Variants in PLBD1 observed in about 807,000 individuals in gnomAD.
PLBD1 encodes the protein lysosomal leucine aminopeptidase.
A neutral mutation model predicts 63.0 loss-of-function variants in PLBD1; 60 were observed. The ratio of observed to expected loss-of-function variants is 0.95; its 90% CI spans 0.77 to 1.18. PLBD1 has a LOEUF of 1.18. Among genes scored for constraint, PLBD1 ranks in the 50% most tolerant of loss-of-function variants. The probability of loss-of-function intolerance (pLI) is 0.00; values close to 1 mark genes in which losing one functional copy is unlikely to be tolerated. For missense variants in PLBD1, 598 were observed against 677.9 expected (o/e 0.88, Z 1.31); for synonymous variants, 262 against 248.0 (o/e 1.06, Z -0.53).
chr12:14,507,509 G>A (rs1390373801), intron 8 of PLBD1, among the ~76,000 whole-genome samples: 1 of 152,212 alleles, frequency 6.6e-6, no homozygotes, highest in African/African-American at 2.4e-5. Context: ...GTTGTTCACA[G>A]TGTGGCCCTA....
At chr12:14,561,417 T>C (rs1945741449) in intron 1 of PLBD1, among the ~76,000 whole-genome samples, 1 of 152,062 alleles carries the variant, frequency 6.6e-6, no homozygotes, top group South Asian at 2.1e-4. Context: ...ACTCATTAAT[T>C]ATGCATTTGT....
intron 2 of PLBD1, among the ~76,000 whole-genome samples, chr12:14,550,002 T>G (rs1158745852): frequency 6.6e-6 from 1 of 152,186 alleles, no homozygotes; most frequent in African/African-American, 2.4e-5. Flanking sequence ...CTTACTCATT[T>G]CAGACTCAGT....
intron 2 of PLBD1, among the ~76,000 whole-genome samples, chr12:14,547,732 T>C (rs1945625949): frequency 6.6e-6 from 1 of 152,194 alleles, no homozygotes; most frequent in African/African-American, 2.4e-5. Flanking sequence ...TTTTGCATGA[T>C]GGCAATAACA....
chr12:14,518,029 A>C (rs1178929558), intron 6 of PLBD1, among the ~76,000 whole-genome samples: 1 of 152,104 alleles, frequency 6.6e-6, no homozygotes, highest in Non-Finnish European at 1.5e-5. Flanking sequence ...AAAAATACAA[A>C]AATTAGCCGG....
chr12:14,541,905 C>T (rs926600985), intron 3 of PLBD1, among the ~76,000 whole-genome samples: 10 of 152,158 alleles, frequency 6.6e-5, no homozygotes, highest in Non-Finnish European at 1.5e-4. Flanking sequence ...AGAAGGGCCT[C>T]CATGAGGAAC....
intron 6 of PLBD1, among the ~76,000 whole-genome samples, chr12:14,527,624 G>A (rs541306002): frequency 6.6e-6 from 1 of 152,230 alleles, no homozygotes; most frequent in East Asian, 1.9e-4. Context: ...ACATGCTATG[G>A]TAATGCAGTT....
chr12:14,553,223 G>C lies in PLBD1; in HGVS notation c.305C>G (p.Ala102Gly). 1 of 1,613,544 alleles carries C rather than the reference G, an allele frequency of 6.2e-7. No individual in the cohort carries two copies. Among genetic ancestry groups the C allele is most frequent in the Non-Finnish European group, 8.5e-7 (1 of 1,179,858 alleles). The change falls in exon 2 of 11, where the codon GCT becomes GGT. Residue 102 changes from alanine to glycine, a missense_variant. Coordinates refer to ENST00000240617, the MANE Select transcript of PLBD1 (RefSeq NM_024829.6). ...TLSNEIIMFV[A>G]GFLEGYLTAP... is the part of the protein sequence containing the mutation. ...AGTGAGGTAACCCTCCAAAAAGCCA[G>C]CCACAAACATGATGATCTCATTGCT...
At position 14,512,050 on chromosome 12, in the gene PLBD1, T is replaced by A. The variant is rs142377795; in HGVS notation, c.845-339A>T. On this transcript the variant is annotated intron_variant, in intron 6 of 10. Transcript: ENST00000240617. ...CTTGCTAGGATTTTGCAGGAGAATT[T>A]TTAATTAGGGAGGGGATTAGCAGGG... Among the ~76,000 whole-genome samples the A allele has an allele frequency of 1.6e-3, 241 of 152,286 alleles. 2 individuals carry two copies. In the South Asian group the frequency reaches 0.02, roughly 13 times the overall value.
intron 6 of PLBD1, among the ~76,000 whole-genome samples, chr12:14,513,969 C>T (rs1049751906): frequency 1.3e-5 from 2 of 152,024 alleles, no homozygotes; most frequent in African/African-American, 2.4e-5. Context: ...TTAGTAGAGA[C>T]GGGGTTTCGC....
chr12:14,509,228 GA>G (rs943621302), intron 8 of PLBD1, among the ~76,000 whole-genome samples: 11 of 150,952 alleles, frequency 7.3e-5, no homozygotes, highest in Admixed American at 2.0e-4. Context: ...CTCTGGCAAA[GA>G]AAAAAAAATA....
At chr12:14,540,982 A>G in intron 3 of PLBD1, 80 bp from the exon 4 acceptor site, 1 of 1,369,002 alleles carries the variant, frequency 7.3e-7, no homozygotes, top group East Asian at 2.4e-5. Context: ...TTGAGAGATT[A>G]TATACTCAGA....
intron 1 of PLBD1, among the ~76,000 whole-genome samples, chr12:14,566,521 C>T (rs1341356357): frequency 2.0e-5 from 3 of 152,150 alleles, no homozygotes; most frequent in East Asian, 1.9e-4. Flanking sequence ...CCCTTAGTTA[C>T]AGTTCATAAT....
chr12:14,548,466 AAAAAAAAAAAAAAAAAG>A (rs1177045684), intron 2 of PLBD1, among the ~76,000 whole-genome samples: 2 of 140,874 alleles, frequency 1.4e-5, no homozygotes, highest in African/African-American at 5.7e-5. Flanking sequence ...CCAAAAAAAA[AAAAAAAAAAAAAAAAAG>A]AAGAAGAAGA....
intron 1 of PLBD1, among the ~76,000 whole-genome samples, chr12:14,564,018 T>A (rs1945762582): frequency 6.6e-6 from 1 of 152,154 alleles, no homozygotes; most frequent in African/African-American, 2.4e-5. Flanking sequence ...TGTGGGAGGA[T>A]CACTTGCGAG....
chr12:14,511,193 T>G, intron 8 of PLBD1, 67 bp downstream of exon 8: 4 of 888,602 alleles, frequency 4.5e-6, no homozygotes, highest in Non-Finnish European at 6.6e-6. Flanking sequence ...ACAATGTGCA[T>G]TCCCCTACCA....
intron 2 of PLBD1, among the ~76,000 whole-genome samples, chr12:14,549,815 A>G (rs535510305): frequency 1.3e-4 from 20 of 151,974 alleles, no homozygotes; most frequent in Non-Finnish European, 2.8e-4. Flanking sequence ...TTACAGATGC[A>G]TACCACCATG....
chr12:14,546,638 G>A lies in PLBD1; in HGVS notation c.336-4347C>T, dbSNP rs572146405. On this transcript the variant is annotated intron_variant, in intron 2 of 10. Transcript: ENST00000240617. ...AGAAGGTGCAACTGCTAGCTAGTGG[G>A]TAGAGGCCACAGATGCTGCTAAAGA... Among the ~76,000 whole-genome samples, 10 of 152,266 alleles carry A rather than the reference G, an allele frequency of 6.6e-5. No individual in the cohort carries two copies. In the East Asian group the frequency reaches 1.9e-3, roughly 29 times the overall value.
At chr12:14,520,558 A>G (rs1945366673) in intron 6 of PLBD1, among the ~76,000 whole-genome samples, 1 of 152,134 alleles carries the variant, frequency 6.6e-6, no homozygotes. Flanking sequence ...AGGAACCAAA[A>G]TGATGAATAA....
intron 6 of PLBD1, among the ~76,000 whole-genome samples, chr12:14,524,287 CTAG>C (rs999229681): frequency 6.6e-6 from 1 of 151,972 alleles, no homozygotes; most frequent in African/African-American, 2.4e-5. Flanking sequence ...TTTTAAATAA[CTAG>C]AAGAGAGATT....
Sources: gnomAD v4.1 joint callset for allele counts (sites outside exome capture counted in the v4.1 genomes callset) on GRCh38, gnomAD v4.1.1 for gene constraint, MANE v1.5 for transcripts, NCBI Gene and HGNC (gene_info 2026-07-23, HGNC 2026-07-21) for gene names.